Variants in LATS1 observed in about 807,000 individuals in gnomAD.
LATS1 encodes large tumor suppressor kinase 1.
LATS1 carries 25 observed loss-of-function variants against 106.6 expected under a neutral mutation model. The observed-to-expected ratio is 0.23, with a 90% confidence interval of 0.17 to 0.33. The LOEUF is 0.33. Among genes scored for constraint, LATS1 ranks in the 10% least tolerant of loss-of-function variants. LATS1 has a pLI of 1.00. For missense variants in LATS1, 1,040 were observed against 1,382.6 expected (o/e 0.75, Z 3.93); for synonymous variants, 465 against 455.6 (o/e 1.02, Z -0.26).
At chr6:149,703,445 G>A (rs1438718050) in intron 1 of LATS1, among the ~76,000 whole-genome samples, 1 of 152,234 alleles carries the variant, frequency 6.6e-6, no homozygotes, top group African/African-American at 2.4e-5. Flanking sequence ...GTGGGGTCTG[G>A]TGGGAGGTGG....
chr6:149,682,185 T>A (rs1161536542), intron 4 of LATS1, among the ~76,000 whole-genome samples: 1 of 152,028 alleles, frequency 6.6e-6, no homozygotes, highest in Non-Finnish European at 1.5e-5. Flanking sequence ...CAGATTAAAG[T>A]GTGTTTACTT....
chr6:149,675,853 G>A (rs148555887), intron 7 of LATS1: 2,064 of 163,382 alleles, frequency 0.013, 50 homozygotes, highest in Admixed American at 0.063. Flanking sequence ...CACCGTGCCT[G>A]GCCTAAAGAC....
intron 4 of LATS1, chr6:149,682,813 G>A (rs900503241): frequency 4.6e-6 from 2 of 434,110 alleles, no homozygotes; most frequent in East Asian, 3.9e-5. Context: ...AAGGTATTAT[G>A]TACACCTAAA....
rs779724268 is a variant in LATS1 at position 149,676,242 on chromosome 6, A to C, written c.2883+18T>G. ...GCAACTTTGTGAGAATTCTTTTGAT[A>C]TAGATGCCATACCTTACCTTCATTT... On this transcript the variant is annotated intron_variant, in intron 7 of 7. Transcript: ENST00000543571. The C allele has an allele frequency of 2.0e-6, 3 of 1,490,442 alleles. No homozygotes were observed. Among genetic ancestry groups the C allele is most frequent in the Non-Finnish European group, 2.8e-6 (3 of 1,067,454 alleles). 92.3% of individuals were successfully genotyped at this position (1,490,442 alleles called of 1,614,324 possible).
chr6:149,702,668 TA>T (rs1300502310), intron 1 of LATS1, among the ~76,000 whole-genome samples: 1 of 152,008 alleles, frequency 6.6e-6, no homozygotes, highest in African/African-American at 2.4e-5. Flanking sequence ...AATTTATTTT[TA>T]TTTTTTTATT....
intron 7 of LATS1, among the ~76,000 whole-genome samples, chr6:149,666,139 CAAAAA>C (rs35062371): frequency 1.8e-5 from 1 of 57,108 alleles, no homozygotes; most frequent in African/African-American, 7.4e-5. Flanking sequence ...ACTCCGTCTC[CAAAAA>C]AAAAAAAAAA....
At chr6:149,673,863 C>T (rs574926173) in intron 7 of LATS1, among the ~76,000 whole-genome samples, 16 of 151,610 alleles carry the variant, frequency 1.1e-4, no homozygotes, top group Middle Eastern at 3.4e-3. Context: ...TTAGTAGAGA[C>T]GGGGTTTCAC....
intron 7 of LATS1, among the ~76,000 whole-genome samples, chr6:149,674,762 A>G (rs1781622624): frequency 6.6e-6 from 1 of 150,628 alleles, no homozygotes; most frequent in African/African-American, 2.5e-5. Context: ...CTGTATCTAC[A>G]AAAAATACAA....
In LATS1 at chr6:149,660,149, T is replaced by A. The variant is rs568595993; in HGVS notation, c.*1580A>T. On this transcript the variant is annotated 3_prime_UTR_variant, in exon 8 of 8. Coordinates refer to ENST00000543571, the MANE Select transcript of LATS1 (RefSeq NM_004690.4). ...CCTTGAAACTGCATGCAACATTGTA[T>A]GTGTATGTGTGGTTTTTTTTTCTAG... The A allele has an allele frequency of 4.3e-6, 1 of 232,724 alleles. No individual in the cohort carries two copies. The highest frequency in any genetic ancestry group is 6.1e-5 in the East Asian group (1 of 16,460). 14.4% of individuals were successfully genotyped at this position (232,724 alleles called of 1,614,324 possible).
At chr6:149,691,133 C>T (rs934748564) in intron 3 of LATS1, among the ~76,000 whole-genome samples, 8 of 152,276 alleles carry the variant, frequency 5.3e-5, no homozygotes, top group Admixed American at 3.9e-4. Context: ...CCACCAGTAC[C>T]ACAAGATGTG....
In LATS1 at chr6:149,661,797, GCT is replaced by G; in HGVS notation, c.3323_3324del (p.Glu1108AlafsTer5). 6.2e-7 allele frequency: 1 copy of G among 1,610,696 alleles called. No homozygotes were observed. Among genetic ancestry groups the G allele is most frequent in the Non-Finnish European group, 8.5e-7 (1 of 1,178,666 alleles). On this transcript the variant is annotated frameshift_variant, in exon 8 of 8. Coordinates refer to ENST00000543571, the MANE Select transcript of LATS1 (RefSeq NM_004690.4). LOFTEE classifies it high-confidence loss of function. Reference sequence around the variant, plus strand: ...TTTTGATCATCTTCATCCGACTGCTGCTCTGAGCCTTGTGAATTAATGTATTC... The same window carrying G: ...TTTTGATCATCTTCATCCGACTGCTGCTGAGCCTTGTGAATTAATGTATTC... ...EYEYINSQGSEQQSDEDDQNT... is the reference protein window; with the variant it reads ...EYEYINSQGSXQQSDEDDQNT...
chr6:149,683,571 T>C lies in LATS1; in HGVS notation c.1518A>G (p.Pro506=), dbSNP rs767012290. The part of the protein sequence containing the change: ...QPVKSMRVLK[P]ELQTALAPTH... The stretch of plus-strand genomic sequence containing the variant: ...TAGGTGCTAAAGCAGTCTGTAGCTC[T>C]GGTTTTAATACACGCATACTTTTCA... The change falls in exon 4 of 8, where the codon CCA becomes CCG. Residue 506 remains proline (P), a synonymous_variant. Coordinates refer to ENST00000543571, the MANE Select transcript of LATS1 (RefSeq NM_004690.4). 9 of 1,614,262 alleles carry C rather than the reference T, an allele frequency of 5.6e-6. No homozygotes were observed. The highest frequency in any genetic ancestry group is 7.6e-6 in the Non-Finnish European group (9 of 1,180,048).
chr6:149,674,544 T>C (rs529127353), intron 7 of LATS1, among the ~76,000 whole-genome samples: 1 of 151,928 alleles, frequency 6.6e-6, no homozygotes, highest in East Asian at 1.9e-4. Context: ...GCTAAGTTTT[T>C]TGTATTTTTT....
At chr6:149,688,549 C>G (rs1036066833) in intron 3 of LATS1, among the ~76,000 whole-genome samples, 2 of 151,698 alleles carry the variant, frequency 1.3e-5, no homozygotes, top group African/African-American at 4.8e-5. Flanking sequence ...ACGTCGTGAC[C>G]CGCCCACCTC....
At position 149,702,218 on chromosome 6, in the gene LATS1, A is replaced by C. The variant is rs2114961404; in HGVS notation, c.-92T>G. ...GAGCAAAAGTGAAAATGATCCTTCA[A>C]GGAAGTCCCCAGGACTGTTAAAATT... On this transcript the variant is annotated 5_prime_UTR_variant, in exon 2 of 8. Transcript: ENST00000543571. 1.3e-6 allele frequency: 1 copy of C among 755,870 alleles called. No individual in the cohort carries two copies. Among genetic ancestry groups the C allele is most frequent in the African/African-American group, 1.7e-5 (1 of 57,228 alleles). 46.8% of individuals were successfully genotyped at this position (755,870 alleles called of 1,614,324 possible).
At chr6:149,714,565 T>C (rs1016496632) in intron 1 of LATS1, among the ~76,000 whole-genome samples, 3 of 152,114 alleles carry the variant, frequency 2.0e-5, no homozygotes, top group African/African-American at 7.2e-5. Flanking sequence ...GGAGTTATCT[T>C]CAGAAGAAGC....
Position 149,695,138 on chromosome 6 carries a change from T to C in LATS1, c.432A>G (p.Gln144=), listed in dbSNP as rs1437111627. 1.9e-6 allele frequency: 3 copies of C among 1,613,578 alleles called. No individual in the cohort carries two copies. Among genetic ancestry groups the C allele is most frequent in the Admixed American group, 1.7e-5 (1 of 59,956 alleles). The change falls in exon 3 of 8, where the codon CAA becomes CAG. Residue 144 remains glutamine (Q), a synonymous_variant. Coordinates refer to ENST00000543571, the MANE Select transcript of LATS1 (RefSeq NM_004690.4). Reference sequence around the variant, plus strand: ...CAGCCATCTGCTCTCGTCGAGGATCTTGGTAACTCATTTTACTAATGAATT... The same window carrying C: ...CAGCCATCTGCTCTCGTCGAGGATCCTGGTAACTCATTTTACTAATGAATT... The part of the protein sequence containing the change: ...AIEFISKMSY[Q]DPRREQMAAA...
chr6:149,708,372 A>C (rs1562357346), intron 1 of LATS1, among the ~76,000 whole-genome samples: 1 of 149,902 alleles, frequency 6.7e-6, no homozygotes, highest in East Asian at 2.0e-4. Context: ...CCGAGACTGC[A>C]CCACTGCACT....
At chr6:149,687,976 G>A (rs936946970) in intron 3 of LATS1, among the ~76,000 whole-genome samples, 2 of 149,508 alleles carry the variant, frequency 1.3e-5, no homozygotes, top group South Asian at 2.1e-4. Flanking sequence ...CCGGGTTCAC[G>A]CCATTCTCCT....
Sources: gnomAD v4.1 joint callset for allele counts (sites outside exome capture counted in the v4.1 genomes callset) on GRCh38, gnomAD v4.1.1 for gene constraint, MANE v1.5 for transcripts, NCBI Gene and HGNC (gene_info 2026-07-23, HGNC 2026-07-21) for gene names.